CFAP299: variants seen among roughly 807,000 people sequenced by gnomAD.
The protein encoded by CFAP299 is cilia- and flagella-associated protein 299.
Under a neutral mutation model 27.0 loss-of-function variants are expected in CFAP299, and 21 were observed. That is an observed-to-expected ratio of 0.78 (90% CI 0.55 to 1.12). The LOEUF (loss-of-function observed/expected upper bound fraction) is 1.12. Among genes scored for constraint, CFAP299 ranks in the 50% most tolerant of loss-of-function variants. The probability of loss-of-function intolerance (pLI) is 0.00; values close to 1 mark genes in which losing one functional copy is unlikely to be tolerated. For missense variants in CFAP299, 310 were observed against 276.6 expected (o/e 1.12, Z -0.86); for synonymous variants, 104 against 98.1 (o/e 1.06, Z -0.36).
chr4:80,640,488 A>G (rs946556606), intron 3 of CFAP299, among the ~76,000 whole-genome samples: 1 of 152,214 alleles, frequency 6.6e-6, no homozygotes, highest in Non-Finnish European at 1.5e-5. Flanking sequence ...TGCTTAGCCT[A>G]TGAAAATAGT....
intron 2 of CFAP299, among the ~76,000 whole-genome samples, chr4:80,405,615 G>A (rs1726375675): frequency 6.6e-6 from 1 of 151,706 alleles, no homozygotes; most frequent in South Asian, 2.1e-4. Context: ...ATTTAGAATG[G>A]GGTACTTCTT....
chr4:80,670,214 C>T (rs993963222), intron 3 of CFAP299, among the ~76,000 whole-genome samples: 1 of 152,006 alleles, frequency 6.6e-6, no homozygotes, highest in Non-Finnish European at 1.5e-5. Flanking sequence ...GTTCAATTCC[C>T]ACCTATGTAT....
chr4:80,904,147 T>A (rs765107706), intron 4 of CFAP299, among the ~76,000 whole-genome samples: 4 of 152,312 alleles, frequency 2.6e-5, no homozygotes, highest in Admixed American at 1.3e-4. Flanking sequence ...AAATGTTACA[T>A]GCATAGCCCT....
intron 2 of CFAP299, among the ~76,000 whole-genome samples, chr4:80,569,225 T>C (rs1218704986): frequency 1.3e-5 from 2 of 152,082 alleles, no homozygotes; most frequent in African/African-American, 4.8e-5. Flanking sequence ...TGTTTTCTGT[T>C]GGGACTCTGA....
At chr4:80,401,958 T>C (rs1726184813) in intron 2 of CFAP299, among the ~76,000 whole-genome samples, 1 of 152,342 alleles carries the variant, frequency 6.6e-6, no homozygotes, top group East Asian at 1.9e-4. Context: ...GAGATCATTT[T>C]GGACCTTTAA....
At chr4:80,580,435 A>G (rs1441935551) in intron 2 of CFAP299, among the ~76,000 whole-genome samples, 1 of 152,070 alleles carries the variant, frequency 6.6e-6, no homozygotes, top group Admixed American at 6.6e-5. Flanking sequence ...ATAGATGTCT[A>G]CAACTGTCAC....
At chr4:80,664,323 G>A (rs1172015303) in intron 3 of CFAP299, among the ~76,000 whole-genome samples, 15 of 152,122 alleles carry the variant, frequency 9.9e-5, no homozygotes. Flanking sequence ...GTTTGAGTCT[G>A]CTGAAGCTGC....
intron 2 of CFAP299, among the ~76,000 whole-genome samples, chr4:80,455,154 A>G (rs1041676751): frequency 6.6e-6 from 1 of 152,170 alleles, no homozygotes; most frequent in African/African-American, 2.4e-5. Flanking sequence ...TCTTCTGGCT[A>G]ATTTCTTAGG....
intron 4 of CFAP299, among the ~76,000 whole-genome samples, chr4:80,906,523 T>C (rs1195722907): frequency 2.0e-5 from 3 of 152,224 alleles, no homozygotes; most frequent in Admixed American, 2.0e-4. Context: ...TCCTAGCAGT[T>C]GTTCCCCTTG....
At chr4:80,793,765 T>C (rs1232677030) in intron 3 of CFAP299, among the ~76,000 whole-genome samples, 1 of 152,178 alleles carries the variant, frequency 6.6e-6, no homozygotes, top group Non-Finnish European at 1.5e-5. Flanking sequence ...ATTTTCTTAG[T>C]ACAAGTGTAT....
intron 3 of CFAP299, among the ~76,000 whole-genome samples, chr4:80,779,287 T>C (rs1726737099): frequency 6.6e-6 from 1 of 152,038 alleles, no homozygotes; most frequent in African/African-American, 2.4e-5. Context: ...GGGCACTAAG[T>C]GAGCATTTTT....
At chr4:80,793,609 A>G (rs1727695079) in intron 3 of CFAP299, among the ~76,000 whole-genome samples, 2 of 152,186 alleles carry the variant, frequency 1.3e-5, no homozygotes, top group South Asian at 4.1e-4. Flanking sequence ...TTCATCTAAC[A>G]TAGTACAACT....
At chr4:80,518,726 T>G (rs986800699) in intron 2 of CFAP299, among the ~76,000 whole-genome samples, 13 of 152,266 alleles carry the variant, frequency 8.5e-5, no homozygotes, top group African/African-American at 2.9e-4. Context: ...TCATGTCATG[T>G]GCTGGCTTTG....
At chr4:80,655,401 G>T (rs1740505182) in intron 3 of CFAP299, among the ~76,000 whole-genome samples, 1 of 152,052 alleles carries the variant, frequency 6.6e-6, no homozygotes, top group Non-Finnish European at 1.5e-5. Flanking sequence ...AAATATTCTG[G>T]AATCATGACA....
rs1479421242 is a variant in CFAP299 at position 80,754,490 on chromosome 4, G to A, written c.334-115503G>A. 3.3e-5 allele frequency among the ~76,000 whole-genome samples: 5 copies of A among 151,936 alleles called. No individual in the cohort carries two copies. The East Asian group carries it at 7.7e-4, about 24-fold the overall frequency. ...AGTATTGAAGAAGAGCCATCTCAGT[G>A]TTTTGTACTTCCATTCTTCCCATTG... On this transcript the variant is annotated intron_variant, in intron 3 of 5. Transcript: ENST00000358105.
chr4:80,494,867 C>A (rs1161781098), intron 2 of CFAP299, among the ~76,000 whole-genome samples: 1 of 152,136 alleles, frequency 6.6e-6, no homozygotes, highest in Non-Finnish European at 1.5e-5. Context: ...AGGGAGAAAT[C>A]AGCCAAAAGA....
At chr4:80,881,270 A>G (rs761053349) in intron 4 of CFAP299, among the ~76,000 whole-genome samples, 3 of 152,186 alleles carry the variant, frequency 2.0e-5, no homozygotes, top group Non-Finnish European at 4.4e-5. Flanking sequence ...TAAGGTGCAT[A>G]ACAGAGGTTC....
chr4:80,945,158 C>A (rs181571041), intron 5 of CFAP299, among the ~76,000 whole-genome samples: 1 of 152,152 alleles, frequency 6.6e-6, no homozygotes, highest in African/African-American at 2.4e-5. Context: ...GGAATTTAAA[C>A]AGAACTCACA....
At chr4:80,708,474 A>T (rs929412107) in intron 3 of CFAP299, among the ~76,000 whole-genome samples, 1 of 152,072 alleles carries the variant, frequency 6.6e-6, no homozygotes, top group African/African-American at 2.4e-5. Flanking sequence ...TCAGTGTATG[A>T]TTTCCAGTTG....
Sources: gnomAD v4.1 joint callset for allele counts (sites outside exome capture counted in the v4.1 genomes callset) on GRCh38, gnomAD v4.1.1 for gene constraint, MANE v1.5 for transcripts, NCBI Gene and HGNC (gene_info 2026-07-23, HGNC 2026-07-21) for gene names.